ASTN2: variants seen among roughly 807,000 people sequenced by gnomAD.
ASTN2 encodes astrotactin 2, also known as astrotactin-2.
ASTN2 carries 54 observed loss-of-function variants against 139.8 expected under a neutral mutation model. The observed-to-expected ratio is 0.39, with a 90% CI of 0.31 to 0.48. The LOEUF (loss-of-function observed/expected upper bound fraction) is 0.48, where lower values mean the gene tolerates loss of function less well. Ranked by LOEUF, ASTN2 falls within the 20% of genes least tolerant of loss-of-function variation. ASTN2 has a pLI of 0.95. For missense variants in ASTN2, 1,565 were observed against 1,725.1 expected, an observed-to-expected ratio of 0.91 and a Z score of 1.64; for synonymous variants, 756 against 719.5, an observed-to-expected ratio of 1.05 and a Z score of -0.81.
intron 7 of ASTN2, among the ~76,000 whole-genome samples, chr9:116,996,800 A>G (rs957724802): frequency 1.3e-5 from 2 of 152,040 alleles, no homozygotes; most frequent in African/African-American, 4.8e-5. Context: ...TATTGATAAT[A>G]TATTTATTGT....
intron 5 of ASTN2, among the ~76,000 whole-genome samples, chr9:117,044,164 C>A (rs1328289266): frequency 1.3e-5 from 2 of 152,082 alleles, no homozygotes; most frequent in East Asian, 1.9e-4. Flanking sequence ...ATGACAGAAA[C>A]TAGGAATCAT....
chr9:116,863,584 A>G lies in ASTN2; in HGVS notation c.2039T>C (p.Val680Ala). 1 of 1,613,984 alleles carries G rather than the reference A, an allele frequency of 6.2e-7. No homozygotes were observed. The highest frequency in any genetic ancestry group is 8.5e-7 in the Non-Finnish European group (1 of 1,179,924). Residue 680 changes from valine (V) to alanine (A), a missense_variant and splice_region_variant, in exon 11 of 23, where the codon GTG (valine) becomes GCG (alanine). Around this residue, in one of 4 missense-constraint regions of ASTN2, gnomAD observed 503 missense variants for 591.7 expected, o/e 0.85. Transcript: ENST00000313400. ...GTTCCCGGGCCAATGGGCACTTACCACACATCCCGAGGAATCCACCTGCCG... is the reference window on the plus strand; with the variant it reads ...GTTCCCGGGCCAATGGGCACTTACCGCACATCCCGAGGAATCCACCTGCCG... ...SDRQVDSSGC[V>A]CPEELKPMKD...
intron 19 of ASTN2, among the ~76,000 whole-genome samples, chr9:116,518,531 T>C (rs1407377567): frequency 1.3e-5 from 2 of 151,974 alleles, no homozygotes; most frequent in Non-Finnish European, 2.9e-5. Flanking sequence ...AAACAAATCC[T>C]CAAAATACAC....
chr9:116,492,982 C>T (rs750033336), intron 19 of ASTN2, among the ~76,000 whole-genome samples: 3 of 152,130 alleles, frequency 2.0e-5, no homozygotes, highest in Non-Finnish European at 2.9e-5. Context: ...ATTTTATATA[C>T]TAGCGGTCCA....
intron 5 of ASTN2, among the ~76,000 whole-genome samples, chr9:117,058,122 C>T (rs1187010088): frequency 1.3e-5 from 2 of 152,106 alleles, no homozygotes; most frequent in African/African-American, 2.4e-5. Context: ...GGGCATGGAC[C>T]CTTATTATTT....
chr9:116,952,642 T>A (rs1588437133), intron 10 of ASTN2, among the ~76,000 whole-genome samples: 1 of 152,300 alleles, frequency 6.6e-6, no homozygotes, highest in East Asian at 1.9e-4. Context: ...CAGAAATGAA[T>A]AAGTTGTGGT....
At chr9:116,578,106 T>C (rs888554458) in intron 19 of ASTN2, among the ~76,000 whole-genome samples, 3 of 151,936 alleles carry the variant, frequency 2.0e-5, no homozygotes, top group South Asian at 2.1e-4. Context: ...AGAGAGGTAA[T>C]AGGGGAAGAA....
At chr9:116,615,296 C>A (rs1463571326) in intron 19 of ASTN2, among the ~76,000 whole-genome samples, 1 of 152,186 alleles carries the variant, frequency 6.6e-6, no homozygotes, top group Non-Finnish European at 1.5e-5. Flanking sequence ...ACTAGTTGAA[C>A]CATTGTGGAA....
Position 117,414,748 on chromosome 9 carries a change from C to A in ASTN2, c.191G>T (p.Arg64Leu), listed in dbSNP as rs759371369. 4 of 1,271,310 alleles carry A rather than the reference C, an allele frequency of 3.1e-6. No individual in the cohort carries two copies. The highest frequency in any genetic ancestry group is 2.2e-5 in the South Asian group (1 of 45,216). 78.8% of individuals were successfully genotyped at this position (1,271,310 alleles called of 1,614,324 possible). The change falls in exon 1 of 23, where the codon CGG (arginine) becomes CTG (leucine). Residue 64 changes from arginine to leucine, a missense_variant. Arg to Leu is a moderately radical substitution (Grantham distance 102). Around this residue, in one of 4 missense-constraint regions of ASTN2, gnomAD observed 596 missense variants for 576.8 expected, o/e 1.03. Coordinates refer to ENST00000313400, the MANE Select transcript of ASTN2 (RefSeq NM_001365068.1). The surrounding 1 kb of genome is among the most constrained non-coding windows in gnomAD (Gnocchi z 4.2). ...TGTGGACACCGTGACGGTCTTCAGCCGGCACGGGCTGTCGGGCTCCCGCGA... is the reference window on the plus strand; with the variant it reads ...TGTGGACACCGTGACGGTCTTCAGCAGGCACGGGCTGTCGGGCTCCCGCGA... Reference protein sequence around the residue: ...AASREPDSPCRLKTVTVSTLP... With the variant: ...AASREPDSPCLLKTVTVSTLP...
intron 1 of ASTN2, among the ~76,000 whole-genome samples, chr9:117,379,778 T>G (rs934914139): frequency 6.6e-6 from 1 of 152,176 alleles, no homozygotes; most frequent in East Asian, 1.9e-4. Context: ...TCCATAATTG[T>G]TCTCTCATCT....
chr9:117,114,929 C>T (rs1172103869), intron 4 of ASTN2, among the ~76,000 whole-genome samples: 1 of 152,124 alleles, frequency 6.6e-6, no homozygotes, highest in African/African-American at 2.4e-5. Flanking sequence ...CCATTTCCAG[C>T]CATGTGAGGG....
At chr9:116,513,383 T>C (rs1850491568) in intron 19 of ASTN2, among the ~76,000 whole-genome samples, 1 of 152,238 alleles carries the variant, frequency 6.6e-6, no homozygotes, top group Non-Finnish European at 1.5e-5. Flanking sequence ...GTTAGTCTGG[T>C]GGGCTTCCCT....
chr9:116,478,626 C>T (rs1348372497), intron 20 of ASTN2, among the ~76,000 whole-genome samples: 3 of 152,154 alleles, frequency 2.0e-5, no homozygotes, highest in Non-Finnish European at 4.4e-5. Flanking sequence ...GAAATTCTTT[C>T]ACCTGGACTA....
intron 17 of ASTN2, among the ~76,000 whole-genome samples, chr9:116,621,431 A>ATG: frequency 7.5e-6 from 1 of 132,676 alleles, no homozygotes. Flanking sequence ...ACACACACAC[A>ATG]CACATGCACG....
intron 7 of ASTN2, among the ~76,000 whole-genome samples, chr9:116,982,245 A>C (rs896948837): frequency 6.6e-6 from 1 of 152,158 alleles, no homozygotes; most frequent in Non-Finnish European, 1.5e-5. Flanking sequence ...GAACCTGATA[A>C]ATTGATTCTT....
At chr9:117,217,413 A>G (rs143975350) in intron 2 of ASTN2, among the ~76,000 whole-genome samples, 109 of 152,308 alleles carry the variant, frequency 7.2e-4, no homozygotes, top group African/African-American at 2.6e-3. Flanking sequence ...GTCAGATCCC[A>G]GGACCAATAC....
intron 19 of ASTN2, among the ~76,000 whole-genome samples, chr9:116,577,457 G>A (rs910216320): frequency 1.9e-5 from 2 of 107,204 alleles, no homozygotes; most frequent in African/African-American, 7.9e-5. Context: ...TTGAGCCCGG[G>A]GGAGGTCAAG....
chr9:116,680,429 G>A (rs1090020), intron 16 of ASTN2, among the ~76,000 whole-genome samples: 17,302 of 152,064 alleles, frequency 0.11, 1,049 homozygotes, highest in East Asian at 0.15. Context: ...ATTCACAGCC[G>A]AATTCTACCA....
At chr9:116,887,128 T>C (rs143440414) in intron 10 of ASTN2, among the ~76,000 whole-genome samples, 60 of 152,292 alleles carry the variant, frequency 3.9e-4, no homozygotes, top group African/African-American at 1.3e-3. Context: ...AGGGACATTA[T>C]GCCTATTTCA....
Sources: allele counts gnomAD v4.1 joint callset (sites outside exome capture counted in the v4.1 genomes callset), GRCh38; gene constraint gnomAD v4.1.1; regional missense constraint gnomAD v4.1.1; non-coding constraint Gnocchi (gnomAD v3.1); transcripts MANE v1.5; gene names NCBI Gene and HGNC (gene_info 2026-07-23, HGNC 2026-07-21).